Variants in CRADD observed in about 807,000 individuals in gnomAD.
CRADD encodes the protein CARD and death domain containing adaptor protein.
Under a neutral mutation model 15.5 loss-of-function variants are expected in CRADD, and 9 were observed. That is an observed-to-expected ratio of 0.58 (90% CI 0.35 to 1.01). The LOEUF is 1.01. CRADD is among the 50% of genes least tolerant of loss of function. The pLI, the probability that CRADD is intolerant of heterozygous loss-of-function variation, is 0.02. For missense variants in CRADD, 227 were observed against 250.3 expected (o/e 0.91, Z 0.63); for synonymous variants, 118 against 107.6 (o/e 1.10, Z -0.60).
In CRADD at chr12:93,771,879, T is replaced by C. The variant is rs922744012; in HGVS notation, c.299-78091T>C. ...TTCATCTGTATAGTGGGTGCACTTA[T>C]ACTTATTTATCTTCCAGGTCTAAGA... is the stretch of plus-strand genomic sequence containing the variant. On this transcript the variant is annotated intron_variant, in intron 2 of 2. Transcript: ENST00000332896. Among the ~76,000 whole-genome samples the C allele has an allele frequency of 3.9e-5, 6 of 152,216 alleles. No homozygotes were observed. The South Asian group carries it at 1.0e-3, about 26-fold the overall frequency.
chr12:93,696,099 G>T (rs1387940367), intron 2 of CRADD, among the ~76,000 whole-genome samples: 1 of 152,200 alleles, frequency 6.6e-6, no homozygotes, highest in Non-Finnish European at 1.5e-5. Context: ...ACAAGTACTG[G>T]CATGGATGTG....
chr12:93,798,789 C>T (rs1957447287), intron 2 of CRADD, among the ~76,000 whole-genome samples: 1 of 152,204 alleles, frequency 6.6e-6, no homozygotes, highest in Non-Finnish European at 1.5e-5. Context: ...AGATGTGCCT[C>T]TACTTAGCAC....
chr12:93,764,379 G>C (rs751719806), intron 2 of CRADD, among the ~76,000 whole-genome samples: 5 of 152,198 alleles, frequency 3.3e-5, no homozygotes, highest in Middle Eastern at 3.4e-3. Flanking sequence ...AACAGGGCTT[G>C]ATGTGGGAGA....
intron 2 of CRADD, among the ~76,000 whole-genome samples, chr12:93,860,983 C>A (rs1017487096): frequency 4.6e-4 from 70 of 152,310 alleles, no homozygotes; most frequent in African/African-American, 1.6e-3. Context: ...TGGTCTGGTG[C>A]TGCCCGATTC....
At chr12:93,714,399 A>T (rs1956126266) in intron 2 of CRADD, 1 of 152,192 alleles carries the variant, frequency 6.6e-6, no homozygotes, top group Non-Finnish European at 1.5e-5. Context: ...CTTTCACATG[A>T]GTATTTTCCA....
At position 93,716,016 on chromosome 12, in the gene CRADD, A is replaced by G. The variant is rs186567553; in HGVS notation, c.298+36944A>G. The stretch of plus-strand genomic sequence containing the variant: ...GCGTAGTGGCAGATGCCTGTAATCC[A>G]AGCTACTCGGGAGGCTGAGGCATGA... On this transcript the variant is annotated intron_variant, in intron 2 of 2. Transcript: ENST00000332896. Among the ~76,000 whole-genome samples, 123 of 151,962 alleles carry G rather than the reference A, an allele frequency of 8.1e-4. 1 individual carries two copies. The Middle Eastern group carries it at 0.014, about 17-fold the overall frequency.
chr12:93,801,479 A>G (rs192389574), intron 2 of CRADD, among the ~76,000 whole-genome samples: 1 of 151,662 alleles, frequency 6.6e-6, no homozygotes, highest in Non-Finnish European at 1.5e-5. Context: ...GCTCACTGCA[A>G]CCTCCACCTC....
chr12:93,855,347 C>T (rs7961608), downstream of CRADD, among the ~76,000 whole-genome samples: 4,535 of 152,226 alleles, frequency 0.03, 232 homozygotes, highest in African/African-American at 0.1. Flanking sequence ...AGCCTCACCT[C>T]ATTCAGCTAT....
At chr12:93,813,418 A>G (rs4761529) in intron 2 of CRADD, among the ~76,000 whole-genome samples, 117,210 of 152,218 alleles carry the variant, frequency 0.77, 45,343 homozygotes, top group African/African-American at 0.85. Flanking sequence ...GACACACAGA[A>G]TTTCAAGTAA....
chr12:93,717,807 C>A (rs915448848), intron 2 of CRADD, among the ~76,000 whole-genome samples: 1 of 152,170 alleles, frequency 6.6e-6, no homozygotes, highest in Non-Finnish European at 1.5e-5. Context: ...AGGTATGAGC[C>A]GCCGCACCCT....
rs139533575 is a variant in CRADD, at chr12:93,790,311, A to G, written c.299-59659A>G. On this transcript the variant is annotated intron_variant, in intron 2 of 2. Coordinates refer to ENST00000332896, the MANE Select transcript of CRADD (RefSeq NM_003805.5). ...TCAGAGATAAACTTGAAACTCAACT[A>G]TAGGTGGGGGGAGGGGGAAGGGATA... Among the ~76,000 whole-genome samples, 838 of 151,976 alleles carry G rather than the reference A, an allele frequency of 5.5e-3. 8 individuals are homozygous for G. Among genetic ancestry groups the G allele is most frequent in the African/African-American group, 0.019 (781 of 41,434 alleles).
At chr12:93,779,998 C>T (rs766040103) in intron 2 of CRADD, among the ~76,000 whole-genome samples, 7 of 152,110 alleles carry the variant, frequency 4.6e-5, no homozygotes, top group Non-Finnish European at 7.4e-5. Flanking sequence ...AGAAGAGTGG[C>T]GTAAACCGGT....
chr12:93,747,557 C>T (rs1956773453), intron 2 of CRADD, among the ~76,000 whole-genome samples: 1 of 152,058 alleles, frequency 6.6e-6, no homozygotes, highest in Admixed American at 6.5e-5. Context: ...ACCTCCCCGC[C>T]TCCCAGGTTC....
intron 2 of CRADD, among the ~76,000 whole-genome samples, chr12:93,806,238 G>A (rs1035530990): frequency 2.2e-4 from 33 of 152,098 alleles, no homozygotes; most frequent in African/African-American, 7.7e-4. Flanking sequence ...CGGATCAAAA[G>A]ATCAGGAGTT....
chr12:93,724,623 G>A (rs1956321808), intron 2 of CRADD, among the ~76,000 whole-genome samples: 1 of 151,920 alleles, frequency 6.6e-6, no homozygotes, highest in Non-Finnish European at 1.5e-5. Context: ...TTTTGCCTTT[G>A]AAAAAAGTCA....
At chr12:93,805,254 C>T (rs1042320977) in intron 2 of CRADD, among the ~76,000 whole-genome samples, 8 of 151,368 alleles carry the variant, frequency 5.3e-5, no homozygotes, top group South Asian at 2.1e-4. Flanking sequence ...AGCCTTACAC[C>T]GAGAAAATAT....
At position 93,733,454 on chromosome 12, in the gene CRADD, AT is replaced by A. The variant is rs1956505963; in HGVS notation, c.298+54385del. The A allele has an allele frequency of 2.6e-5, 4 of 152,410 alleles. No individual in the cohort carries two copies. In the South Asian group the frequency reaches 8.3e-4, roughly 32 times the overall value. The allele number at this position is 152,410 out of a possible 1,614,324, so 9.4% of individuals were successfully genotyped here. A position where few individuals can be genotyped will look rare whatever the true frequency, so the allele number is the denominator to read the frequency against. ...AAGAAGCAGGAAAAGGCAGTGTTTC[AT>A]TTCTCACAATCGCCCCTCTCACCAG... On this transcript the variant is annotated intron_variant, in intron 2 of 2. Coordinates refer to ENST00000332896, the MANE Select transcript of CRADD (RefSeq NM_003805.5).
intron 2 of CRADD, among the ~76,000 whole-genome samples, chr12:93,827,857 A>G (rs1957841684): frequency 6.6e-6 from 1 of 152,202 alleles, no homozygotes; most frequent in Non-Finnish European, 1.5e-5. Flanking sequence ...ATGAAAGCAT[A>G]CCTGTTGAAC....
At chr12:93,803,576 A>C (rs1232922851) in intron 2 of CRADD, among the ~76,000 whole-genome samples, 1 of 152,224 alleles carries the variant, frequency 6.6e-6, no homozygotes, top group African/African-American at 2.4e-5. Context: ...CCTTGCCAGT[A>C]AGCTGTTAGC....
Sources: allele counts gnomAD v4.1 joint callset (sites outside exome capture counted in the v4.1 genomes callset), GRCh38; gene constraint gnomAD v4.1.1; transcripts MANE v1.5; gene names NCBI Gene and HGNC (gene_info 2026-07-23, HGNC 2026-07-21).